Variants in LRP12 observed in about 807,000 individuals in gnomAD.
LRP12 encodes the protein low-density lipoprotein receptor-related protein 12.
In LRP12, 14 loss-of-function variants were observed where a neutral mutation model predicts 66.0. The ratio of observed to expected loss-of-function variants is 0.21; its 90% confidence interval spans 0.14 to 0.33. The LOEUF (loss-of-function observed/expected upper bound fraction) is 0.33. Ranked by LOEUF, LRP12 falls within the 10% of genes least tolerant of loss-of-function variation. LRP12 has a pLI of 1.00. For synonymous variants in LRP12, 357 were observed against 359.1 expected, an observed-to-expected ratio of 0.99 and a Z score of 0.07; for missense variants, 889 against 1,053.4, an observed-to-expected ratio of 0.84 and a Z score of 2.16.
At chr8:104,493,433 C>T (rs1242187325) in intron 6 of LRP12, among the ~76,000 whole-genome samples, 1 of 152,170 alleles carries the variant, frequency 6.6e-6, no homozygotes, top group Non-Finnish European at 1.5e-5. Flanking sequence ...TACATATAAC[C>T]TGAGAAACTG....
At chr8:104,548,312 T>TA (rs1407952344) in intron 1 of LRP12, among the ~76,000 whole-genome samples, 33 of 30,426 alleles carry the variant, frequency 1.1e-3, no homozygotes, top group Admixed American at 1.8e-3. Flanking sequence ...ATATATATTA[T>TA]ATAAATATAT....
At position 104,516,285 on chromosome 8, in the gene LRP12, T is replaced by C. The variant is rs1811071527; in HGVS notation, c.137-7211A>G. On this transcript the variant is annotated intron_variant, in intron 2 of 6. Transcript: ENST00000276654. ...ATCTTCTTAGTAGGAACCTACAGGCTATCTGACTAGCCCCCACAAAAGCCT... is the reference window on the plus strand; with the variant it reads ...ATCTTCTTAGTAGGAACCTACAGGCCATCTGACTAGCCCCCACAAAAGCCT... 1.3e-5 allele frequency among the ~76,000 whole-genome samples: 2 copies of C among 152,078 alleles called. 1 individual carries two copies. Among genetic ancestry groups the C allele is most frequent in the Admixed American group, 1.3e-4 (2 of 15,248 alleles).
intron 1 of LRP12, among the ~76,000 whole-genome samples, chr8:104,579,735 T>A (rs756198527): frequency 3.3e-5 from 5 of 152,076 alleles, no homozygotes; most frequent in Non-Finnish European, 5.9e-5. Flanking sequence ...AACAGACACA[T>A]AGACCAATGG....
chr8:104,551,193 T>C (rs1202182757), intron 1 of LRP12, among the ~76,000 whole-genome samples: 3 of 152,180 alleles, frequency 2.0e-5, no homozygotes, highest in African/African-American at 2.4e-5. Context: ...GTTGAGTGCA[T>C]TGCCACTGGT....
chr8:104,514,203 A>C (rs1343644622), intron 2 of LRP12, among the ~76,000 whole-genome samples: 3 of 152,066 alleles, frequency 2.0e-5, no homozygotes, highest in Non-Finnish European at 4.4e-5. Flanking sequence ...CCAACCTTCC[A>C]AAGGAAATCC....
chr8:104,547,549 A>C (rs1248999355), intron 1 of LRP12, among the ~76,000 whole-genome samples: 2 of 128,554 alleles, frequency 1.6e-5, no homozygotes, highest in Admixed American at 1.7e-4. Context: ...ATAATATATA[A>C]TTACATATTA....
At chr8:104,560,921 G>A (rs112660754) in intron 1 of LRP12, among the ~76,000 whole-genome samples, 7 of 152,182 alleles carry the variant, frequency 4.6e-5, no homozygotes, top group African/African-American at 1.4e-4. Context: ...CAGCTGTCCC[G>A]TAGAAGGCCC....
chr8:104,569,536 C>CA (rs1021000544), intron 1 of LRP12, among the ~76,000 whole-genome samples: 3 of 151,672 alleles, frequency 2.0e-5, no homozygotes, highest in African/African-American at 4.8e-5. Context: ...TACTAACAGT[C>CA]AAAAAAGAAA....
At chr8:104,505,861 C>A (rs1333601657) in intron 3 of LRP12, 1 of 152,094 alleles carries the variant, frequency 6.6e-6, no homozygotes, top group Non-Finnish European at 1.5e-5. Context: ...TTCGGTGTTT[C>A]TCCTGTCCCC....
Position 104,489,764 on chromosome 8 carries a change from C to T in LRP12, c.*909G>A, listed in dbSNP as rs771822044. The T allele has an allele frequency of 3.3e-5, 5 of 152,446 alleles. No homozygotes were observed. Among genetic ancestry groups the T allele is most frequent in the Non-Finnish European group, 7.4e-5 (5 of 68,026 alleles). The allele number at this position is 152,446 out of a possible 1,614,324, so 9.4% of individuals were successfully genotyped here. A position where few individuals can be genotyped will look rare whatever the true frequency, so the allele number is the denominator to read the frequency against. ...AATAATAGTATTTAAAGTGATAGTG[C>T]TTGTGCACTAAGCTCATCTGAGACC... On this transcript the variant is annotated 3_prime_UTR_variant, in exon 7 of 7. Transcript: ENST00000276654.
intron 3 of LRP12, chr8:104,507,019 T>A (rs1810920483): frequency 6.6e-6 from 1 of 152,180 alleles, no homozygotes; most frequent in Admixed American, 6.5e-5. Flanking sequence ...TAGATAATCA[T>A]ATACTTTTTC....
chr8:104,499,222 A>G (rs1810785992), intron 4 of LRP12, 95 bp downstream of exon 4: 4 of 993,114 alleles, frequency 4.0e-6, no homozygotes, highest in Non-Finnish European at 5.9e-6. Flanking sequence ...CCTACTCCTA[A>G]TTAAATGAAC....
chr8:104,499,847 T>C (rs1226279429), intron 3 of LRP12, among the ~76,000 whole-genome samples: 1 of 152,190 alleles, frequency 6.6e-6, no homozygotes, highest in African/African-American at 2.4e-5. Context: ...CAGAACATCC[T>C]AAACTGTTCT....
chr8:104,507,857 G>C (rs1810932054), intron 3 of LRP12: 1 of 152,114 alleles, frequency 6.6e-6, no homozygotes, highest in Non-Finnish European at 1.5e-5. Flanking sequence ...CCAAAAAAAG[G>C]AGATAGATGA....
At chr8:104,563,670 G>A (rs539687037) in intron 1 of LRP12, among the ~76,000 whole-genome samples, 2 of 152,054 alleles carry the variant, frequency 1.3e-5, no homozygotes, top group African/African-American at 4.8e-5. Context: ...CTCAAGAATG[G>A]GATTAGTGTC....
intron 1 of LRP12, among the ~76,000 whole-genome samples, chr8:104,552,381 T>G (rs7837076): frequency 0.031 from 4,644 of 151,814 alleles, 238 homozygotes; most frequent in African/African-American, 0.11. Flanking sequence ...TGTTGTTTTT[T>G]TTTTTTTGCC....
intron 1 of LRP12, among the ~76,000 whole-genome samples, chr8:104,559,989 A>G (rs1811879109): frequency 6.6e-6 from 1 of 152,208 alleles, no homozygotes; most frequent in South Asian, 2.1e-4. Context: ...TGAAGAAACT[A>G]AACTTCAGAT....
At chr8:104,507,148 A>G (rs1810922284) in intron 3 of LRP12, 1 of 152,204 alleles carries the variant, frequency 6.6e-6, no homozygotes, top group Non-Finnish European at 1.5e-5. Context: ...AAGATTATGC[A>G]ATGATAATCA....
chr8:104,544,975 ACC>A (rs1226905076), intron 1 of LRP12, among the ~76,000 whole-genome samples: 2 of 151,908 alleles, frequency 1.3e-5, no homozygotes, highest in African/African-American at 2.4e-5. Context: ...GTAAATTGAA[ACC>A]TCTCAAAAGG....
Sources: allele counts gnomAD v4.1 joint callset (sites outside exome capture counted in the v4.1 genomes callset), GRCh38; gene constraint gnomAD v4.1.1; transcripts MANE v1.5; gene names NCBI Gene and HGNC (gene_info 2026-07-23, HGNC 2026-07-21).